The following GPM6A variants were observed in gnomAD, a reference collection of about 807,000 sequenced individuals.
GPM6A encodes glycoprotein M6A, also known as neuronal membrane glycoprotein M6-a.
GPM6A carries 7 observed loss-of-function variants against 32.1 expected under a neutral mutation model. The observed-to-expected ratio is 0.22, with a 90% CI of 0.12 to 0.41. The LOEUF is 0.41. Ranked by LOEUF, GPM6A falls within the 10% of genes least tolerant of loss-of-function variation. The pLI, the probability that GPM6A is intolerant of heterozygous loss-of-function variation, is 1.00. For synonymous variants in GPM6A, 130 were observed against 123.4 expected, an observed-to-expected ratio of 1.05 and a Z score of -0.35; for missense variants, 235 against 347.2, an observed-to-expected ratio of 0.68 and a Z score of 2.57.
At chr4:175,734,609 C>T (rs554912128) in intron 1 of GPM6A, among the ~76,000 whole-genome samples, 14 of 150,552 alleles carry the variant, frequency 9.3e-5, no homozygotes, top group Non-Finnish European at 1.5e-4. Context: ...TGTGGTGGCT[C>T]ATGCCTGTAA....
chr4:175,889,889 A>G (rs1329008026), intron 1 of GPM6A, among the ~76,000 whole-genome samples: 1 of 152,126 alleles, frequency 6.6e-6, no homozygotes, highest in Non-Finnish European at 1.5e-5. Context: ...GGCCATGAAA[A>G]AAGGAAAAGA....
At chr4:175,643,418 G>A (rs999081874) in intron 4 of GPM6A, among the ~76,000 whole-genome samples, 7 of 152,136 alleles carry the variant, frequency 4.6e-5, no homozygotes, top group African/African-American at 1.7e-4. Context: ...TTCTACTTCA[G>A]ACACATTGAC....
chr4:175,951,281 T>A (rs1343462293), intron 1 of GPM6A, among the ~76,000 whole-genome samples: 1 of 152,184 alleles, frequency 6.6e-6, no homozygotes, highest in East Asian at 1.9e-4. Context: ...CTACTTTTAG[T>A]AGGAAAAATG....
At chr4:175,872,278 T>C (rs1311064511) in intron 1 of GPM6A, among the ~76,000 whole-genome samples, 1 of 152,212 alleles carries the variant, frequency 6.6e-6, no homozygotes, top group Non-Finnish European at 1.5e-5. Flanking sequence ...GGTGTCACCC[T>C]GAACACTTGT....
At chr4:175,756,192 TATG>T (rs1269733071) in intron 1 of GPM6A, among the ~76,000 whole-genome samples, 6 of 151,964 alleles carry the variant, frequency 3.9e-5, no homozygotes, top group Non-Finnish European at 7.4e-5. Context: ...AGAGTAGGGT[TATG>T]TTGCAAGGTA....
chr4:175,872,497 G>A (rs1418418634), intron 1 of GPM6A, among the ~76,000 whole-genome samples: 1 of 152,136 alleles, frequency 6.6e-6, no homozygotes, highest in South Asian at 2.1e-4. Context: ...GCATAACTAA[G>A]GCAAAGAAAG....
chr4:175,635,532 T>C (rs1475333901), intron 6 of GPM6A, among the ~76,000 whole-genome samples: 2 of 152,158 alleles, frequency 1.3e-5, no homozygotes, highest in African/African-American at 2.4e-5. Flanking sequence ...GACTTGATTA[T>C]CAGGTTAATT....
chr4:175,651,957 C>A lies in GPM6A; in HGVS notation c.418G>T (p.Ala140Ser). 1 of 1,611,546 alleles carries A rather than the reference C, an allele frequency of 6.2e-7. No homozygotes were observed. The highest frequency in any genetic ancestry group is 1.1e-5 in the South Asian group (1 of 90,824). The change falls in exon 4 of 7, where the codon GCC (alanine) becomes TCC (serine). Residue 140 changes from alanine to serine, a missense_variant. Ala to Ser is a moderately conservative substitution (Grantham distance 99). Transcript: ENST00000393658. ...FIMLTYLFML[A>S]WLGVTAFTSL... ...GTGAAAGCCGTGACTCCCAGCCAGG[C>A]CAACATGAAAAGATATGTCAGCATA...
intron 1 of GPM6A, among the ~76,000 whole-genome samples, chr4:175,983,540 A>T (rs961787189): frequency 6.6e-5 from 10 of 152,196 alleles, no homozygotes; most frequent in African/African-American, 2.4e-4. Context: ...TGTGGTGATT[A>T]TAAGGTTTTT....
intron 1 of GPM6A, among the ~76,000 whole-genome samples, chr4:175,995,169 A>G (rs1318433094): frequency 1.3e-5 from 2 of 152,118 alleles, no homozygotes; most frequent in African/African-American, 4.8e-5. Context: ...CCAAACTCCT[A>G]TTAATACTGA....
Position 175,721,162 on chromosome 4 carries a change from T to TAA in GPM6A, c.38-19396_38-19395insTT, listed in dbSNP as rs576919622. Among the ~76,000 whole-genome samples the TAA allele has an allele frequency of 1.0e-4, 15 of 146,040 alleles. No individual in the cohort carries two copies. The South Asian group carries it at 3.2e-3, about 31-fold the overall frequency. On this transcript the variant is annotated intron_variant, in intron 1 of 6. Transcript: ENST00000393658. ...ATATATATTCTAATATATATATATATATATTTTCTATTTTTAAAAAGGCAA... is the reference window on the plus strand; with the variant it reads ...ATATATATTCTAATATATATATATATAAATATTTTCTATTTTTAAAAAGGCAA...
At chr4:175,973,246 A>T (rs1740561278) in intron 1 of GPM6A, among the ~76,000 whole-genome samples, 1 of 152,236 alleles carries the variant, frequency 6.6e-6, no homozygotes. Context: ...AGTCCACGTC[A>T]ACAGAGTTTA....
At chr4:175,753,646 C>T (rs1457254206) in intron 1 of GPM6A, among the ~76,000 whole-genome samples, 1 of 152,008 alleles carries the variant, frequency 6.6e-6, no homozygotes, top group African/African-American at 2.4e-5. Flanking sequence ...CTTTATATTC[C>T]AGCAAATTAT....
At chr4:175,911,274 G>A (rs1271693703) in intron 1 of GPM6A, among the ~76,000 whole-genome samples, 1 of 151,994 alleles carries the variant, frequency 6.6e-6, no homozygotes, top group Non-Finnish European at 1.5e-5. Flanking sequence ...ACGAGAATGA[G>A]ACTCATAATA....
chr4:175,742,051 C>A (rs1206994103), intron 1 of GPM6A, among the ~76,000 whole-genome samples: 3 of 151,802 alleles, frequency 2.0e-5, no homozygotes, highest in African/African-American at 4.8e-5. Flanking sequence ...TATTTTATAT[C>A]CATTATTTTA....
rs1560842152 is a variant in GPM6A at position 175,637,358 on chromosome 4, A to ATATAT, written c.685-2306_685-2302dup. Among the ~76,000 whole-genome samples the ATATAT allele has an allele frequency of 2.0e-4, 13 of 65,722 alleles. 2 individuals are homozygous for ATATAT. Among genetic ancestry groups the ATATAT allele is most frequent in the African/African-American group, 9.1e-4 (13 of 14,226 alleles). The allele number at this position is 65,722 out of a possible 152,430, so 43.1% of individuals were successfully genotyped here. On this transcript the variant is annotated intron_variant, in intron 6 of 6. Coordinates refer to ENST00000393658, the MANE Select transcript of GPM6A (RefSeq NM_201591.3). ...ATTATATATTATATAAAAATATATAATATATAACATATAATATATTATATA... is the reference window on the plus strand; with the variant it reads ...ATTATATATTATATAAAAATATATAATATATTATATAACATATAATATATTATATA...
intron 1 of GPM6A, among the ~76,000 whole-genome samples, chr4:175,824,130 T>C (rs1228305974): frequency 2.0e-5 from 3 of 152,208 alleles, no homozygotes; most frequent in Non-Finnish European, 4.4e-5. Context: ...AAACATTTTC[T>C]CAAGGATGTT....
At chr4:175,674,948 C>T (rs1743283105) in intron 2 of GPM6A, among the ~76,000 whole-genome samples, 1 of 150,698 alleles carries the variant, frequency 6.6e-6, no homozygotes, top group South Asian at 2.1e-4. Context: ...AAACATTTAT[C>T]TAGAAAATAT....
chr4:175,637,667 T>TATA (rs1217281020), intron 6 of GPM6A, among the ~76,000 whole-genome samples: 2 of 532 alleles, frequency 3.8e-3, no homozygotes, highest in Non-Finnish European at 0.022. Context: ...AAATATATAA[T>TATA]ATATATAATA....
Sources: allele counts gnomAD v4.1 joint callset (sites outside exome capture counted in the v4.1 genomes callset), GRCh38; gene constraint gnomAD v4.1.1; transcripts MANE v1.5; gene names NCBI Gene and HGNC (gene_info 2026-07-23, HGNC 2026-07-21).